Variants in MALAT1 observed in about 807,000 individuals in gnomAD.
MALAT1 encodes hepcarcin.
chr11:65,503,562 TG>T, exon 3 of MALAT1: 1 of 518,194 alleles, frequency 1.9e-6, no homozygotes, highest in Non-Finnish European at 3.9e-6. Flanking sequence ...ATTTACATGT[TG>T]TGATGTAAAT....
exon 3 of MALAT1, chr11:65,499,746 GA>G (rs781235953): frequency 2.3e-6 from 1 of 429,724 alleles, no homozygotes; most frequent in Admixed American, 2.9e-5. Flanking sequence ...ACTTTTAGAA[GA>G]AAAAAGATAA....
chr11:65,500,107 A>G (rs756485194), exon 3 of MALAT1: 1 of 474,366 alleles, frequency 2.1e-6, no homozygotes, highest in Non-Finnish European at 4.2e-6. Context: ...ACCAGAACCA[A>G]TTTAGAAGAA....
At chr11:65,506,004 A>T in intron 3 of MALAT1, 1 of 465,884 alleles carries the variant, frequency 2.1e-6, no homozygotes, top group Non-Finnish European at 4.1e-6. Flanking sequence ...CTGATCTCCA[A>T]TGCTCTTCAG....
At chr11:65,498,300 T>A (rs1336044581) in intron 1 of MALAT1, 3 of 518,282 alleles carry the variant, frequency 5.8e-6, no homozygotes, top group Non-Finnish European at 1.2e-5. Flanking sequence ...GCCTGGAAGC[T>A]GAAAAACGGT....
At chr11:65,499,270 A>C (rs11540792) in exon 3 of MALAT1, 117 of 513,892 alleles carry the variant, frequency 2.3e-4, no homozygotes, top group African/African-American at 2.0e-3. Context: ...TAGCATGAGG[A>C]AGGAAAAGAT....
At chr11:65,501,702 C>T (rs376081665) in exon 3 of MALAT1, 37 of 519,020 alleles carry the variant, frequency 7.1e-5, no homozygotes, top group Admixed American at 1.2e-4. Flanking sequence ...AGAGTATTCC[C>T]AGTTGAAGCT....
intron 3 of MALAT1, chr11:65,504,814 A>G (rs1854643197): frequency 3.9e-6 from 2 of 518,890 alleles, no homozygotes; most frequent in Non-Finnish European, 7.7e-6. Flanking sequence ...TAATTCTTAC[A>G]TGCAGGAACA....
exon 3 of MALAT1, chr11:65,499,702 TAG>T (rs1465019353): frequency 2.3e-6 from 1 of 433,216 alleles, no homozygotes; most frequent in Non-Finnish European, 4.5e-6. Flanking sequence ...AAGAAAAGAA[TAG>T]AGAAGATAGG....
chr11:65,498,358 C>T (rs758629362), intron 1 of MALAT1: 3 of 517,828 alleles, frequency 5.8e-6, no homozygotes, highest in South Asian at 1.4e-5. Context: ...AACTGGGGGG[C>T]CGCAGATCAG....
intron 1 of MALAT1, chr11:65,498,627 T>G (rs780830948): frequency 9.6e-6 from 5 of 518,564 alleles, no homozygotes; most frequent in African/African-American, 9.6e-5. Context: ...TGGGGCTCAG[T>G]TGCGTAATGG....
At chr11:65,506,342 C>T (rs1276070862) in exon 4 of MALAT1, 4 of 464,588 alleles carry the variant, frequency 8.6e-6, no homozygotes, top group African/African-American at 4.1e-5. Flanking sequence ...ATTGTATATT[C>T]ATATTTACAC....
chr11:65,498,578 G>A (rs888739687), intron 1 of MALAT1: 3 of 518,678 alleles, frequency 5.8e-6, no homozygotes, highest in African/African-American at 1.9e-5. Flanking sequence ...GGGGGAGAAA[G>A]TCCGCCATTT....
At chr11:65,501,601 G>A (rs1590703059) in exon 3 of MALAT1, 1 of 518,966 alleles carries the variant, frequency 1.9e-6, no homozygotes, top group Non-Finnish European at 3.8e-6. Flanking sequence ...AGATGCTATA[G>A]TACTATTGAC....
At chr11:65,501,057 C>A (rs12791523) in exon 3 of MALAT1, 1 of 508,892 alleles carries the variant, frequency 2.0e-6, no homozygotes, top group South Asian at 1.5e-5. Flanking sequence ...ATTTGATAGC[C>A]AAATTGAGAC....
chr11:65,505,483 C>T (rs764430945), intron 3 of MALAT1: 12 of 512,686 alleles, frequency 2.3e-5, no homozygotes, highest in South Asian at 5.6e-5. Flanking sequence ...AGGGGGAAAG[C>T]GGGCAACCAC....
exon 3 of MALAT1, chr11:65,503,240 A>G (rs1339000181): frequency 3.9e-6 from 2 of 515,696 alleles, no homozygotes; most frequent in Admixed American, 2.0e-5. Context: ...ATAAGTGCTT[A>G]TTTTTAAGAG....
intron 1 of MALAT1, chr11:65,497,911 C>G (rs775183847): frequency 1.2e-5 from 6 of 518,662 alleles, no homozygotes; most frequent in Admixed American, 1.9e-5. Flanking sequence ...TCCCAGAGTC[C>G]TTGGGACGCA....
At chr11:65,500,386 A>G (rs767592638) in exon 3 of MALAT1, 3 of 518,970 alleles carry the variant, frequency 5.8e-6, no homozygotes, top group Non-Finnish European at 3.8e-6. Flanking sequence ...GCATTAATTG[A>G]CAGCTGACCC....
At chr11:65,502,619 C>CTT (rs3842272) in exon 3 of MALAT1, 65 of 409,982 alleles carry the variant, frequency 1.6e-4, no homozygotes, top group Middle Eastern at 3.6e-4. Flanking sequence ...GGAGGGGAAA[C>CTT]TTTTTTTTTT....
Sources: allele counts gnomAD v4.1 joint callset, GRCh38; gene constraint gnomAD v4.1.1; transcripts MANE v1.5; gene names NCBI Gene and HGNC (gene_info 2026-07-23, HGNC 2026-07-21).